RRAGD: variants seen among roughly 807,000 people sequenced by gnomAD.
RRAGD encodes ras-related GTP-binding protein D.
In RRAGD, 12 loss-of-function variants were observed where a neutral mutation model predicts 35.5. That is an observed-to-expected ratio of 0.34 (90% CI 0.22 to 0.55). The LOEUF (loss-of-function observed/expected upper bound fraction) is 0.55. Ranked by LOEUF, RRAGD falls within the 20% of genes least tolerant of loss-of-function variation. The pLI is 0.91. For synonymous variants in RRAGD, 155 were observed against 178.9 expected (o/e 0.87, Z 1.07); for missense variants, 324 against 490.1 (o/e 0.66, Z 3.20).
At chr6:89,403,277 C>G (rs1228944294) in intron 1 of RRAGD, among the ~76,000 whole-genome samples, 1 of 152,058 alleles carries the variant, frequency 6.6e-6, no homozygotes, top group Non-Finnish European at 1.5e-5. Context: ...AACCCCGTGT[C>G]TACTAAAAAT....
At chr6:89,386,191 G>C (rs1244276423) in intron 2 of RRAGD, among the ~76,000 whole-genome samples, 1 of 152,180 alleles carries the variant, frequency 6.6e-6, no homozygotes, top group Admixed American at 6.5e-5. Flanking sequence ...GAGCCTTCAG[G>C]CTGGGCCATA....
At chr6:89,377,596 A>C in intron 5 of RRAGD, 75 bp downstream of exon 5, 1 of 1,318,134 alleles carries the variant, frequency 7.6e-7, no homozygotes, top group Non-Finnish European at 1.0e-6. Flanking sequence ...AAGTAAGTAA[A>C]TGTAAATGCA....
intron 1 of RRAGD, among the ~76,000 whole-genome samples, chr6:89,395,186 G>C (rs1769310580): frequency 6.6e-6 from 1 of 152,246 alleles, no homozygotes; most frequent in Non-Finnish European, 1.5e-5. Flanking sequence ...TTGAGCTCAA[G>C]AGATTGAGGC....
rs58391604 is a variant in RRAGD at position 89,392,494 on chromosome 6, A to AAG, written c.149-4905_149-4904insCT. ...AACCCTGTCTCGAAAAAAAAAAAAA[A>AAG]GAATATAAAATATAGAGATGTATAT... is the stretch of plus-strand genomic sequence containing the variant. On this transcript the variant is annotated intron_variant, in intron 1 of 6. Coordinates refer to ENST00000369415, the MANE Select transcript of RRAGD (RefSeq NM_021244.5). Among the ~76,000 whole-genome samples the AAG allele has an allele frequency of 2.0e-5, 3 of 151,486 alleles. No individual in the cohort carries two copies. In the East Asian group the frequency reaches 5.8e-4, roughly 29 times the overall value.
chr6:89,377,850 G>A (rs768486059), intron 4 of RRAGD, 37 bp from the exon 5 acceptor site: 5 of 1,537,264 alleles, frequency 3.3e-6, no homozygotes, highest in Non-Finnish European at 4.4e-6. Context: ...TAAAGCAACA[G>A]TCAACTTCAG....
At chr6:89,403,306 A>G (rs13220720) in intron 1 of RRAGD, among the ~76,000 whole-genome samples, 25,842 of 151,876 alleles carry the variant, frequency 0.17, 2,326 homozygotes, top group East Asian at 0.32. Flanking sequence ...TTAGCTGGGC[A>G]TGGTGGCGGG....
intron 1 of RRAGD, among the ~76,000 whole-genome samples, chr6:89,403,771 A>G (rs1582524432): frequency 6.6e-6 from 1 of 151,804 alleles, no homozygotes; most frequent in African/African-American, 2.4e-5. Context: ...AGTAGCGAGG[A>G]CTACAGGCAC....
At position 89,411,830 on chromosome 6, in the gene RRAGD, G is replaced by A. The variant is rs1235991189; in HGVS notation, c.148+16C>T. 6.5e-7 allele frequency: 1 copy of A among 1,544,902 alleles called. No homozygotes were observed. On this transcript the variant is annotated intron_variant, in intron 1 of 6. Transcript: ENST00000369415. The surrounding 1 kb of genome is among the most constrained non-coding windows in gnomAD (Gnocchi z 5.6). Reference sequence around the variant, plus strand: ...GAAAGGGGCGCGAGCCGAGGACGCGGGGGCCGGGCGCTCACCTCCCTCCTC... The same window carrying A: ...GAAAGGGGCGCGAGCCGAGGACGCGAGGGCCGGGCGCTCACCTCCCTCCTC...
At position 89,406,857 on chromosome 6, in the gene RRAGD, G is replaced by A. The variant is rs533114648; in HGVS notation, c.148+4989C>T. ...TAAACATCCACCCCTAGACACTGTC[G>A]TGGGATCAGAGCCCCACAGCTTGCC... On this transcript the variant is annotated intron_variant, in intron 1 of 6. Transcript: ENST00000369415. Among the ~76,000 whole-genome samples the A allele has an allele frequency of 5.9e-5, 9 of 152,086 alleles. No individual in the cohort carries two copies. In the East Asian group the frequency reaches 1.5e-3, roughly 26 times the overall value.
At chr6:89,408,638 G>A (rs1473451210) in intron 1 of RRAGD, among the ~76,000 whole-genome samples, 2 of 152,176 alleles carry the variant, frequency 1.3e-5, no homozygotes, top group African/African-American at 4.8e-5. Flanking sequence ...CCCTAAGGGT[G>A]CGCACAGGCT....
At chr6:89,398,865 C>T (rs1769392470) in intron 1 of RRAGD, among the ~76,000 whole-genome samples, 1 of 152,142 alleles carries the variant, frequency 6.6e-6, no homozygotes, top group Admixed American at 6.6e-5. Flanking sequence ...CTGTCTGTCA[C>T]ATTAAATACT....
chr6:89,409,657 C>G (rs533936322), intron 1 of RRAGD, among the ~76,000 whole-genome samples: 31 of 152,212 alleles, frequency 2.0e-4, no homozygotes, highest in Non-Finnish European at 3.8e-4. Context: ...ATCAGCTGGC[C>G]TGACAGCCAT....
chr6:89,386,046 G>C (rs1026576586), intron 2 of RRAGD, among the ~76,000 whole-genome samples: 1 of 152,188 alleles, frequency 6.6e-6, no homozygotes, highest in African/African-American at 2.4e-5. Context: ...CACACCCGCA[G>C]CTGGCCAACC....
intron 1 of RRAGD, among the ~76,000 whole-genome samples, chr6:89,390,635 C>T (rs1769216036): frequency 1.3e-5 from 2 of 152,202 alleles, no homozygotes; most frequent in African/African-American, 4.8e-5. Context: ...TGGTGGCTCA[C>T]ACCTGTAATC....
At position 89,380,401 on chromosome 6, in the gene RRAGD, C is replaced by A. The variant is rs367943087; in HGVS notation, c.445-34G>T. On this transcript the variant is annotated intron_variant, in intron 2 of 6. Coordinates refer to ENST00000369415, the MANE Select transcript of RRAGD (RefSeq NM_021244.5). ...AAAGGCAACGCCTGTGAGAGAAGGC[C>A]GCTTTGCTTCCTGAGCCTCCCACAC... is the stretch of plus-strand genomic sequence containing the variant. The A allele has an allele frequency of 1.9e-6, 3 of 1,592,014 alleles. No individual in the cohort carries two copies. The East Asian group carries it at 6.7e-5, about 36-fold the overall frequency.
intron 1 of RRAGD, among the ~76,000 whole-genome samples, chr6:89,399,011 A>G (rs1436656164): frequency 6.6e-6 from 1 of 152,256 alleles, no homozygotes; most frequent in African/African-American, 2.4e-5. Flanking sequence ...AATTAATGCA[A>G]GCAAAACTCC....
At chr6:89,389,729 A>G (rs559045527) in intron 1 of RRAGD, among the ~76,000 whole-genome samples, 2 of 152,314 alleles carry the variant, frequency 1.3e-5, no homozygotes, top group Admixed American at 1.3e-4. Flanking sequence ...TATATTTCAC[A>G]GGAGTAAAGG....
In RRAGD at chr6:89,387,512, G is replaced by T; in HGVS notation, c.227C>A (p.Ser76Ter). Residue 76 changes from serine to a stop codon, truncating the protein, a stop_gained, in exon 2 of 7, where the codon TCG becomes TAG. Coordinates refer to ENST00000369415, the MANE Select transcript of RRAGD (RefSeq NM_021244.5). LOFTEE classifies it high-confidence loss of function. The stretch of plus-strand genomic sequence containing the variant: ...GTGAAAGACAACTTTCTGAATAGAC[G>T]ACTTGCCGCTTCTCCTCAGGCCCAT... Reference protein sequence around the residue: ...LLMGLRRSGKSSIQKVVFHKM... With the variant: ...LLMGLRRSGK The T allele has an allele frequency of 6.2e-7, 1 of 1,614,096 alleles. No homozygotes were observed. Among genetic ancestry groups the T allele is most frequent in the South Asian group, 1.1e-5 (1 of 91,070 alleles).
chr6:89,396,010 T>C (rs1769325507), intron 1 of RRAGD, among the ~76,000 whole-genome samples: 1 of 151,600 alleles, frequency 6.6e-6, no homozygotes, highest in African/African-American at 2.4e-5. Flanking sequence ...TCAAAATTGG[T>C]CTTGGTCTAA....
Sources: allele counts gnomAD v4.1 joint callset (sites outside exome capture counted in the v4.1 genomes callset), GRCh38; gene constraint gnomAD v4.1.1; non-coding constraint Gnocchi (gnomAD v3.1); transcripts MANE v1.5; gene names NCBI Gene and HGNC (gene_info 2026-07-23, HGNC 2026-07-21).